Variants in RNF31 observed in about 807,000 individuals in gnomAD.
RNF31 encodes the protein ring finger protein 31.
A neutral mutation model predicts 133.6 loss-of-function variants in RNF31; 38 were observed. That is an observed-to-expected ratio of 0.28 (90% CI 0.22 to 0.37). The LOEUF is 0.37. Among genes scored for constraint, RNF31 ranks in the 10% least tolerant of loss-of-function variants. The pLI, the probability that RNF31 is intolerant of heterozygous loss-of-function variation, is 1.00. For synonymous variants in RNF31, 582 were observed against 552.3 expected (o/e 1.05, Z -0.75); for missense variants, 1,118 against 1,394.1 (o/e 0.80, Z 3.15).
Position 24,147,622 on chromosome 14 carries a change from G to A in RNF31, c.-77G>A. ...CCTCAAAGCCGGGCACCAGACGGGA[G>A]GGGCGGCGCTCGGGCCGCGCGCTGC... On this transcript the variant is annotated 5_prime_UTR_variant, in exon 1 of 21. Coordinates refer to ENST00000324103, the MANE Select transcript of RNF31 (RefSeq NM_017999.5). 1 of 1,301,128 alleles carries A rather than the reference G, an allele frequency of 7.7e-7. No homozygotes were observed. Among genetic ancestry groups the A allele is most frequent in the South Asian group, 1.8e-5 (1 of 54,240 alleles). 80.6% of individuals were successfully genotyped at this position (1,301,128 alleles called of 1,614,324 possible). A position where few individuals can be genotyped will look rare whatever the true frequency, so the allele number is the denominator to read the frequency against.
chr14:24,154,460 TAG>T (rs1340847816), intron 11 of RNF31, among the ~76,000 whole-genome samples: 3 of 152,264 alleles, frequency 2.0e-5, no homozygotes, highest in African/African-American at 4.8e-5. Context: ...GTATTTTTAG[TAG>T]AGACAAGGTT....
At chr14:24,149,186 C>T (rs2038225754) in intron 5 of RNF31, 2 of 601,682 alleles carry the variant, frequency 3.3e-6, no homozygotes, top group Non-Finnish European at 5.8e-6. Flanking sequence ...TGGTCTGGAA[C>T]TCCTGACCTC....
chr14:24,150,798 T>C lies in RNF31; in HGVS notation c.1398T>C (p.Ser466=), dbSNP rs752308033. Residue 466 remains serine (S), a synonymous_variant, in exon 8 of 21, where the codon AGT becomes AGC. Coordinates refer to ENST00000324103, the MANE Select transcript of RNF31 (RefSeq NM_017999.5). ...PPKPGPPRRL[S]APLPSSCGDP... ...AGCCTGGGCCCCCACGACGCCTTAGTGCCCCCCTGCCCAGTTCCTGTGGAG... is the reference window on the plus strand; with the variant it reads ...AGCCTGGGCCCCCACGACGCCTTAGCGCCCCCCTGCCCAGTTCCTGTGGAG... The C allele has an allele frequency of 3.7e-6, 6 of 1,603,852 alleles. No individual in the cohort carries two copies. The African/African-American group carries it at 8.1e-5, about 22-fold the overall frequency.
chr14:24,150,100 C>G lies in RNF31; in HGVS notation c.849C>G (p.Ser283=). ...CCCAACCACGGCCCCAGTCGACCTC[C>G]CTGCTGGCCCTGGGAGACAGCTCTC... The part of the protein sequence containing the change: ...ASAQPRPQST[S]LLALGDSSLS... Residue 283 remains serine (S), a synonymous_variant, in exon 7 of 21, where the codon TCC becomes TCG. Transcript: ENST00000324103. The G allele has an allele frequency of 6.3e-7, 1 of 1,598,744 alleles. No homozygotes were observed. The highest frequency in any genetic ancestry group is 1.3e-5 in the African/African-American group (1 of 74,814).
chr14:24,149,994 G>T (rs376875620), intron 6 of RNF31, 67 bp from the exon 7 acceptor site: 9 of 1,503,848 alleles, frequency 6.0e-6, no homozygotes. Flanking sequence ...AATGGAGAAT[G>T]CTTAGAGGTG....
rs761960106 is a variant in RNF31 at position 24,151,337 on chromosome 14, T to G, written c.1695T>G (p.Leu565=). 5 of 1,614,180 alleles carry G rather than the reference T, an allele frequency of 3.1e-6. No homozygotes were observed. Among genetic ancestry groups the G allele is most frequent in the South Asian group, 1.1e-5 (1 of 91,088 alleles). The change falls in exon 9 of 21, where the codon CTT becomes CTG. Residue 565 remains leucine, a synonymous_variant. Transcript: ENST00000324103. This position sits in a 1 kb window ranked among gnomAD's most constrained non-coding sequence, Gnocchi z 5.3. ...RRAWLDRHGN[L]DEAVEECVRT... ...CCTGGCTGGATCGTCATGGCAACCTTGATGAAGCTGTGGAGGAGTGTGTGA... is the reference window on the plus strand; with the variant it reads ...CCTGGCTGGATCGTCATGGCAACCTGGATGAAGCTGTGGAGGAGTGTGTGA...
chr14:24,151,473 C>A lies in RNF31; in HGVS notation c.1738-12C>A. 6.2e-7 allele frequency: 1 copy of A among 1,613,932 alleles called. No homozygotes were observed. The highest frequency in any genetic ancestry group is 8.5e-7 in the Non-Finnish European group (1 of 1,179,798). On this transcript the variant is annotated splice_polypyrimidine_tract_variant and intron_variant, in intron 9 of 20. Transcript: ENST00000324103. The surrounding 1 kb of genome is among the most constrained non-coding windows in gnomAD (Gnocchi z 5.3). ...TCCCACTTCATTCCCCCTTGCCACT[C>A]CCATCTTGCAGGTGCAGGAGCTCCA...
In RNF31 at chr14:24,151,214, G is replaced by A. The variant is rs2038260762; in HGVS notation, c.1572G>A (p.Leu524=). The A allele has an allele frequency of 6.2e-7, 1 of 1,614,194 alleles. No homozygotes were observed. The highest frequency in any genetic ancestry group is 8.5e-7 in the Non-Finnish European group (1 of 1,180,040). ...YSGTEVPLQW[L]RSELPYVLEM... ...GCACTGAGGTGCCTCTGCAGTGGTT[G>A]CGCTCAGAACTGCCCTACGTCCTGG... is the stretch of plus-strand genomic sequence containing the variant. The change falls in exon 9 of 21, where the codon TTG becomes TTA. Residue 524 remains leucine, a synonymous_variant. Coordinates refer to ENST00000324103, the MANE Select transcript of RNF31 (RefSeq NM_017999.5). This position sits in a 1 kb window ranked among gnomAD's most constrained non-coding sequence, Gnocchi z 5.3.
chr14:24,149,180 C>G, intron 5 of RNF31: 2 of 600,252 alleles, frequency 3.3e-6, no homozygotes, highest in Non-Finnish European at 5.8e-6. Flanking sequence ...TCAGGCTGGT[C>G]TGGAACTCCT....
chr14:24,158,964 C>G (rs1247065631), intron 18 of RNF31, among the ~76,000 whole-genome samples: 2 of 130,274 alleles, frequency 1.5e-5, no homozygotes, highest in East Asian at 5.0e-4. Flanking sequence ...ACCCGGGAGG[C>G]GGAGCTTGCA....
upstream of RNF31, chr14:24,147,453 C>T (rs977988468): frequency 3.9e-4 from 148 of 378,680 alleles, no homozygotes; most frequent in Non-Finnish European, 4.5e-4. Flanking sequence ...TAACCTTAAG[C>T]CCCGCCCGTT....
At position 24,151,476 on chromosome 14, in the gene RNF31, A is replaced by G. The variant is rs377280981; in HGVS notation, c.1738-9A>G. 1 of 1,613,848 alleles carries G rather than the reference A, an allele frequency of 6.2e-7. No individual in the cohort carries two copies. The highest frequency in any genetic ancestry group is 1.3e-5 in the African/African-American group (1 of 74,900). On this transcript the variant is annotated splice_polypyrimidine_tract_variant and intron_variant, in intron 9 of 20. Coordinates refer to ENST00000324103, the MANE Select transcript of RNF31 (RefSeq NM_017999.5). This position sits in a 1 kb window ranked among gnomAD's most constrained non-coding sequence, Gnocchi z 5.3. ...CACTTCATTCCCCCTTGCCACTCCC[A>G]TCTTGCAGGTGCAGGAGCTCCAGTC...
rs769261448 is a variant in RNF31, at chr14:24,149,593, C to G, written c.809+10C>G. Reference sequence around the variant, plus strand: ...CCCACCTGAGCCCCAGGTGAGAGGGCTTCTCTTCTGGGTGGGAGTGAAATT... The same window carrying G: ...CCCACCTGAGCCCCAGGTGAGAGGGGTTCTCTTCTGGGTGGGAGTGAAATT... On this transcript the variant is annotated intron_variant, in intron 6 of 20. Transcript: ENST00000324103. The G allele has an allele frequency of 6.2e-7, 1 of 1,608,594 alleles. No homozygotes were observed. Among genetic ancestry groups the G allele is most frequent in the African/African-American group, 1.3e-5 (1 of 74,680 alleles).
chr14:24,157,035 G>T (rs1251058130), intron 14 of RNF31, among the ~76,000 whole-genome samples: 2 of 152,172 alleles, frequency 1.3e-5, no homozygotes, highest in Admixed American at 1.3e-4. Flanking sequence ...GGAGTAAAGT[G>T]GTAGCAGTAG....
intron 11 of RNF31, among the ~76,000 whole-genome samples, chr14:24,154,054 C>T (rs1000376568): frequency 1.1e-4 from 16 of 152,170 alleles, no homozygotes; most frequent in East Asian, 7.7e-4. Context: ...GGAGCGCAGT[C>T]GCGCAATCAT....
rs1252830572 is a variant in RNF31, at chr14:24,151,022, T to C, written c.1489-109T>C. 7 of 1,540,876 alleles carry C rather than the reference T, an allele frequency of 4.5e-6. No individual in the cohort carries two copies. The East Asian group carries it at 1.6e-4, about 35-fold the overall frequency. On this transcript the variant is annotated intron_variant, in intron 8 of 20. Transcript: ENST00000324103. This position sits in a 1 kb window ranked among gnomAD's most constrained non-coding sequence, Gnocchi z 5.3. ...GTTACTGAGGCAGTTACCATTGCTGTACACTGATGACATGATCCATATGTC... is the reference window on the plus strand; with the variant it reads ...GTTACTGAGGCAGTTACCATTGCTGCACACTGATGACATGATCCATATGTC...
chr14:24,153,016 G>A (rs1297834757), intron 11 of RNF31, among the ~76,000 whole-genome samples: 1 of 152,006 alleles, frequency 6.6e-6, no homozygotes, highest in Admixed American at 6.6e-5. Flanking sequence ...AGGAGGCGGA[G>A]CTTGCAGTGA....
At position 24,150,393 on chromosome 14, in the gene RNF31, C is replaced by T. The variant is rs1257776257; in HGVS notation, c.1142C>T (p.Pro381Leu). Reference sequence around the variant, plus strand: ...TGTGAGCGACCTCGGCTGGCCCAGCCTCCCAGCTTGGTGGTGGATTCCCGA... The same window carrying T: ...TGTGAGCGACCTCGGCTGGCCCAGCTTCCCAGCTTGGTGGTGGATTCCCGA... ...SICERPRLAQ[P>L]PSLVVDSRDA... Residue 381 changes from proline to leucine, a missense_variant, in exon 7 of 21, where the codon CCT becomes CTT. This residue lies in a region of RNF31 where 747 missense variants were observed against 827.9 expected (regional missense o/e 0.90). Transcript: ENST00000324103. 8 of 1,613,418 alleles carry T rather than the reference C, an allele frequency of 5.0e-6. No homozygotes were observed. Among genetic ancestry groups the T allele is most frequent in the Non-Finnish European group, 5.9e-6 (7 of 1,179,918 alleles).
chr14:24,158,308 G>T, intron 18 of RNF31, 109 bp downstream of exon 18: 1 of 1,063,768 alleles, frequency 9.4e-7, no homozygotes, highest in South Asian at 1.4e-5. Flanking sequence ...CATGCCCTTT[G>T]GCAAGTTAAT....
Sources: allele counts gnomAD v4.1 joint callset (sites outside exome capture counted in the v4.1 genomes callset), GRCh38; gene constraint gnomAD v4.1.1; regional missense constraint gnomAD v4.1.1; non-coding constraint Gnocchi (gnomAD v3.1); transcripts MANE v1.5; gene names NCBI Gene and HGNC (gene_info 2026-07-23, HGNC 2026-07-21).